UBXN2A: variants seen among roughly 807,000 people sequenced by gnomAD.
UBXN2A encodes UBX domain-containing protein 2A.
In UBXN2A, 28 loss-of-function variants were observed where a neutral mutation model predicts 28.4. That is an observed-to-expected ratio of 0.99 (90% confidence interval 0.73 to 1.35). UBXN2A has a LOEUF of 1.35. Among genes scored for constraint, UBXN2A ranks in the 40% most tolerant of loss-of-function variants. UBXN2A has a pLI of 0.00. For synonymous variants in UBXN2A, 97 were observed against 103.6 expected (o/e 0.94, Z 0.39); for missense variants, 253 against 297.9 (o/e 0.85, Z 1.11).
intron 6 of UBXN2A, among the ~76,000 whole-genome samples, chr2:23,994,245 A>G (rs1054507721): frequency 2.0e-5 from 3 of 151,986 alleles, no homozygotes; most frequent in African/African-American, 7.3e-5. Context: ...TTGTTCTTAG[A>G]TTTTAATAGC....
At chr2:23,974,092 G>C (rs1707544176) in intron 3 of UBXN2A, among the ~76,000 whole-genome samples, 1 of 146,280 alleles carries the variant, frequency 6.8e-6, no homozygotes, top group Non-Finnish European at 1.5e-5. Context: ...TCGGCTCACT[G>C]CAAGCTCCGC....
intron 3 of UBXN2A, among the ~76,000 whole-genome samples, chr2:23,974,840 T>C (rs1707588752): frequency 6.6e-6 from 1 of 152,044 alleles, no homozygotes; most frequent in African/African-American, 2.4e-5. Flanking sequence ...TTAGCTGAGC[T>C]TGGTGATGCA....
chr2:23,981,939 C>A (rs1707926550), intron 4 of UBXN2A, among the ~76,000 whole-genome samples: 1 of 152,078 alleles, frequency 6.6e-6, no homozygotes, highest in Admixed American at 6.6e-5. Context: ...AGTCTTTTGG[C>A]TTCCCTGGGC....
intron 2 of UBXN2A, among the ~76,000 whole-genome samples, chr2:23,962,607 T>C (rs1472686644): frequency 6.8e-6 from 1 of 146,138 alleles, no homozygotes; most frequent in African/African-American, 2.5e-5. Flanking sequence ...TTTTTATTCT[T>C]TTTTTTTTTT....
chr2:23,993,851 C>G (rs1708439857), intron 6 of UBXN2A, among the ~76,000 whole-genome samples: 1 of 151,890 alleles, frequency 6.6e-6, no homozygotes, highest in Non-Finnish European at 1.5e-5. Flanking sequence ...CCACACCCAG[C>G]TAATTTTTGT....
intron 1 of UBXN2A, among the ~76,000 whole-genome samples, chr2:23,949,119 T>TTTTTTTTTTTTTTTTTGTA (rs1706237852): frequency 6.8e-6 from 1 of 147,172 alleles, no homozygotes; most frequent in Non-Finnish European, 1.5e-5. Context: ...TTTTTTTCTT[T>TTTTTTTTTTTTTTTTTGTA]TTTTTTTTTT....
At chr2:23,932,739 A>G (rs1305152335) in intron 1 of UBXN2A, among the ~76,000 whole-genome samples, 1 of 152,268 alleles carries the variant, frequency 6.6e-6, no homozygotes, top group Non-Finnish European at 1.5e-5. Context: ...CTGACAGAAT[A>G]TACCTTCAAC....
chr2:23,953,716 A>C (rs995055082), intron 1 of UBXN2A, among the ~76,000 whole-genome samples: 2 of 152,210 alleles, frequency 1.3e-5, no homozygotes, highest in Admixed American at 1.3e-4. Context: ...TGTTGAAGAA[A>C]ATGGATCATT....
At chr2:23,936,155 C>G (rs1436930460), upstream of UBXN2A, among the ~76,000 whole-genome samples, 2 of 152,078 alleles carry the variant, frequency 1.3e-5, no homozygotes, top group East Asian at 3.8e-4. Context: ...ATACCAAAGT[C>G]CATACCAGCA....
intron 6 of UBXN2A, among the ~76,000 whole-genome samples, chr2:23,990,462 G>A (rs1352368684): frequency 2.1e-5 from 3 of 145,348 alleles, no homozygotes; most frequent in Non-Finnish European, 3.0e-5. Flanking sequence ...TATAATGGAA[G>A]ACAGTAATCA....
At chr2:23,958,765 T>C (rs1190932369) in intron 2 of UBXN2A, among the ~76,000 whole-genome samples, 1 of 152,190 alleles carries the variant, frequency 6.6e-6, no homozygotes, top group East Asian at 1.9e-4. Flanking sequence ...GGTAAATTCT[T>C]TGAGCCTCAA....
At chr2:23,978,670 A>G (rs1361606496) in intron 4 of UBXN2A, among the ~76,000 whole-genome samples, 1 of 147,802 alleles carries the variant, frequency 6.8e-6, no homozygotes, top group Admixed American at 6.8e-5. Context: ...TGTTTTAAAG[A>G]AAAAAAATTG....
rs911812215 is a variant in UBXN2A at position 23,976,876 on chromosome 2, C to T, written c.181-93C>T. 5.5e-5 allele frequency: 57 copies of T among 1,030,162 alleles called. 2 individuals carry two copies. The South Asian group carries it at 5.6e-4, about 10-fold the overall frequency. The allele number at this position is 1,030,162 out of a possible 1,614,324, so 63.8% of individuals were successfully genotyped here. Reference sequence around the variant, plus strand: ...GATTACAGGAGTGAACCACCCCACCCGGCCTGAATAGTGATAGAAGAAATT... The same window carrying T: ...GATTACAGGAGTGAACCACCCCACCTGGCCTGAATAGTGATAGAAGAAATT... On this transcript the variant is annotated intron_variant, in intron 3 of 6. Transcript: ENST00000309033.
At chr2:23,966,614 G>A (rs1707182863) in intron 2 of UBXN2A, among the ~76,000 whole-genome samples, 1 of 144,692 alleles carries the variant, frequency 6.9e-6, no homozygotes, top group Non-Finnish European at 1.5e-5. Flanking sequence ...CACCACACCT[G>A]GCTAATTTTT....
At chr2:23,971,119 G>A (rs960204968) in intron 2 of UBXN2A, among the ~76,000 whole-genome samples, 157 bp from the exon 3 acceptor site, 7 of 152,080 alleles carry the variant, frequency 4.6e-5, no homozygotes, top group African/African-American at 1.7e-4. Flanking sequence ...ACTAAAAAGG[G>A]GTTAATGACT....
upstream of UBXN2A, among the ~76,000 whole-genome samples, chr2:23,938,043 T>A (rs1705581056): frequency 6.6e-6 from 1 of 152,156 alleles, no homozygotes; most frequent in Admixed American, 6.6e-5. Flanking sequence ...GTGACCACCA[T>A]CACATATGCT....
At chr2:23,951,451 T>G (rs1195180506) in intron 1 of UBXN2A, among the ~76,000 whole-genome samples, 6 of 127,008 alleles carry the variant, frequency 4.7e-5, no homozygotes, top group African/African-American at 1.5e-4. Flanking sequence ...TATATATATA[T>G]ATATATATAT....
At chr2:23,958,222 A>G (rs1706727936) in intron 1 of UBXN2A, 79 bp from the exon 2 acceptor site, 1 of 1,094,082 alleles carries the variant, frequency 9.1e-7, no homozygotes. Context: ...TTTAAGTAAT[A>G]CTTTAGGACT....
At chr2:23,953,347 A>G (rs752282853) in intron 1 of UBXN2A, among the ~76,000 whole-genome samples, 1 of 152,164 alleles carries the variant, frequency 6.6e-6, no homozygotes, top group Non-Finnish European at 1.5e-5. Context: ...ATGATTATCA[A>G]GTTGTGGCCA....
Sources: allele counts gnomAD v4.1 joint callset (sites outside exome capture counted in the v4.1 genomes callset), GRCh38; gene constraint gnomAD v4.1.1; transcripts MANE v1.5; gene names NCBI Gene and HGNC (gene_info 2026-07-23, HGNC 2026-07-21).